The following SNX1 variants were observed in gnomAD, a reference collection of about 807,000 sequenced individuals.
SNX1 encodes the protein sorting nexin-1.
A neutral mutation model predicts 71.8 loss-of-function variants in SNX1; 36 were observed. The observed-to-expected ratio is 0.50, with a 90% confidence interval of 0.38 to 0.66. The LOEUF is 0.66. Among genes scored for constraint, SNX1 ranks in the 30% least tolerant of loss-of-function variants. SNX1 has a pLI of 0.00. For synonymous variants in SNX1, 254 were observed against 240.7 expected (o/e 1.06, Z -0.51); for missense variants, 612 against 646.7 (o/e 0.95, Z 0.58).
At chr15:64,131,554 A>T (rs965146958) in intron 10 of SNX1, 133 bp from the exon 11 acceptor site, 1 of 733,072 alleles carries the variant, frequency 1.4e-6, no homozygotes, top group African/African-American at 1.8e-5. Context: ...GGTGTAAGTG[A>T]CTGGGTTGCA....
At position 64,140,873 on chromosome 15, in the gene SNX1, C is replaced by G. The variant is rs938967385; in HGVS notation, c.*3255C>G. ...GTGCTGGGATTACAGGTGTGAGCCA[C>G]CATACCCAGCCAGAGAATGTTATTT... is the stretch of plus-strand genomic sequence containing the variant. On this transcript the variant is annotated 3_prime_UTR_variant, in exon 15 of 15. Transcript: ENST00000559844. The G allele has an allele frequency of 2.0e-5, 3 of 152,208 alleles. No individual in the cohort carries two copies. Among genetic ancestry groups the G allele is most frequent in the Non-Finnish European group, 4.4e-5 (3 of 68,052 alleles). The allele number at this position is 152,208 out of a possible 1,614,324, so 9.4% of individuals were successfully genotyped here.
At chr15:64,136,490 G>A (rs1236391123) in intron 13 of SNX1, 80 bp downstream of exon 13, 19 of 1,252,482 alleles carry the variant, frequency 1.5e-5, no homozygotes, top group Non-Finnish European at 2.2e-5. Context: ...AACTCTGTTG[G>A]GTAAAGAGAG....
chr15:64,127,848 C>A, intron 8 of SNX1, 42 bp downstream of exon 8: 2 of 1,506,714 alleles, frequency 1.3e-6, no homozygotes, highest in Non-Finnish European at 1.8e-6. Context: ...TTTATATCTG[C>A]CCCTAGTGAA....
chr15:64,130,171 G>T lies in SNX1; in HGVS notation c.922-57G>T, dbSNP rs566936527. 99 of 1,523,860 alleles carry T rather than the reference G, an allele frequency of 6.5e-5. 1 individual carries two copies. In the East Asian group the frequency reaches 1.5e-3, roughly 23 times the overall value. The allele number at this position is 1,523,860 out of a possible 1,614,324, so 94.4% of individuals were successfully genotyped here. On this transcript the variant is annotated intron_variant, in intron 9 of 14. Transcript: ENST00000559844. Reference sequence around the variant, plus strand: ...TTTTGAGAAACAACTGCTAAAGAAAGACTGTACTGCACCCATAAAAGTAAT... The same window carrying T: ...TTTTGAGAAACAACTGCTAAAGAAATACTGTACTGCACCCATAAAAGTAAT...
At chr15:64,137,486 T>G (rs1596010929) in intron 14 of SNX1, 82 bp from the exon 15 acceptor site, 1 of 1,515,350 alleles carries the variant, frequency 6.6e-7, no homozygotes. Flanking sequence ...AGCGCCAGGG[T>G]ACTGTGCTTG....
At chr15:64,100,159 T>C (rs1380904529) in intron 1 of SNX1, among the ~76,000 whole-genome samples, 1 of 152,246 alleles carries the variant, frequency 6.6e-6, no homozygotes, top group Non-Finnish European at 1.5e-5. Flanking sequence ...TCCTGGGCAT[T>C]GATACAACTG....
rs148950838 is a variant in SNX1 at position 64,106,746 on chromosome 15, G to A, written c.160-5827G>A. ...ATGAAATGTTACTGGCTTTGAAGATGGAAGAAGTGGGCCGTGAGGCAAAGA... is the reference window on the plus strand; with the variant it reads ...ATGAAATGTTACTGGCTTTGAAGATAGAAGAAGTGGGCCGTGAGGCAAAGA... On this transcript the variant is annotated intron_variant, in intron 1 of 14. Coordinates refer to ENST00000559844, the MANE Select transcript of SNX1 (RefSeq NM_003099.5). 1.2e-3 allele frequency among the ~76,000 whole-genome samples: 187 copies of A among 152,304 alleles called. 1 individual carries two copies. Among genetic ancestry groups the A allele is most frequent in the Non-Finnish European group, 2.1e-3 (142 of 68,018 alleles).
chr15:64,140,595 A>G lies in SNX1; in HGVS notation c.*2977A>G, dbSNP rs2081402795. 1 of 152,012 alleles carries G rather than the reference A, an allele frequency of 6.6e-6. No homozygotes were observed. The highest frequency in any genetic ancestry group is 1.5e-5 in the Non-Finnish European group (1 of 67,998). 9.4% of individuals were successfully genotyped at this position (152,012 alleles called of 1,614,324 possible). The stretch of plus-strand genomic sequence containing the variant: ...TTTATTTGATTTGATTATTATTACT[A>G]TTTTTGAGACAGAGTCTCGCTCTTG... On this transcript the variant is annotated 3_prime_UTR_variant, in exon 15 of 15. Transcript: ENST00000559844.
chr15:64,118,237 A>G lies in SNX1; in HGVS notation c.392A>G (p.Tyr131Cys), dbSNP rs1361249309. The change falls in exon 3 of 15, where the codon TAT (tyrosine) becomes TGT (cysteine). Residue 131 changes from tyrosine to cysteine, a missense_variant. Physicochemically the swap from Tyr to Cys is radical, Grantham distance 194. Coordinates refer to ENST00000559844, the MANE Select transcript of SNX1 (RefSeq NM_003099.5). ...AATTCTTCGAAGCCCCAGCCAACCT[A>G]TGAGGAGGTGAGGATCTGTGCTCTT... is the stretch of plus-strand genomic sequence containing the variant. ...ATNSSKPQPT[Y>C]EELEEEEQED... is the part of the protein sequence containing the mutation. 1 of 1,612,830 alleles carries G rather than the reference A, an allele frequency of 6.2e-7. No homozygotes were observed. Among genetic ancestry groups the G allele is most frequent in the South Asian group, 1.1e-5 (1 of 90,998 alleles).
chr15:64,112,470 GCTGA>G lies in SNX1; in HGVS notation c.160-99_160-96del, dbSNP rs1276606649. ...TAACGATTTGCTGCTTATTGAACTGGCTGACTGGTGGCAACTGAGGGAGGCATTA... is the reference window on the plus strand; with the variant it reads ...TAACGATTTGCTGCTTATTGAACTGGCTGGTGGCAACTGAGGGAGGCATTA... On this transcript the variant is annotated intron_variant, in intron 1 of 14. Coordinates refer to ENST00000559844, the MANE Select transcript of SNX1 (RefSeq NM_003099.5). The G allele has an allele frequency of 1.1e-5, 7 of 648,940 alleles. No individual in the cohort carries two copies. In the African/African-American group the frequency reaches 1.3e-4, roughly 12 times the overall value. 40.2% of individuals were successfully genotyped at this position (648,940 alleles called of 1,614,324 possible).
In SNX1 at chr15:64,135,695, G is replaced by C. The variant is rs544701687; in HGVS notation, c.1366-635G>C. Among the ~76,000 whole-genome samples the C allele has an allele frequency of 4.0e-5, 6 of 148,560 alleles. No homozygotes were observed. The East Asian group carries it at 1.0e-3, about 25-fold the overall frequency. On this transcript the variant is annotated intron_variant, in intron 12 of 14. Coordinates refer to ENST00000559844, the MANE Select transcript of SNX1 (RefSeq NM_003099.5). ...AATCGCTTGAACCTGGGAGGCGAAG[G>C]TTGCAGTGAGCTGAGATCACGCCAC...
intron 1 of SNX1, among the ~76,000 whole-genome samples, chr15:64,097,626 C>T (rs533276194): frequency 6.6e-6 from 1 of 152,206 alleles, no homozygotes; most frequent in African/African-American, 2.4e-5. Context: ...AAAAAATAAT[C>T]TTTGTAATGT....
intron 1 of SNX1, among the ~76,000 whole-genome samples, chr15:64,110,471 A>C (rs1413727240): frequency 6.6e-6 from 1 of 152,184 alleles, no homozygotes; most frequent in Non-Finnish European, 1.5e-5. Context: ...ATCATGGCTC[A>C]CTGCAACCTC....
At position 64,136,340 on chromosome 15, in the gene SNX1, G is replaced by T; in HGVS notation, c.1376G>T (p.Arg459Leu). Residue 459 changes from arginine (R) to leucine (L), a missense_variant, in exon 13 of 15, where the codon CGG becomes CTG. Physicochemically the swap from Arg to Leu is moderately radical, Grantham distance 102. Coordinates refer to ENST00000559844, the MANE Select transcript of SNX1 (RefSeq NM_003099.5). ...AKDEILEWES[R>L]VTQYERDFER... is the part of the protein sequence containing the mutation. ...CCTCTTTCTTCCCAGTGGGAGTCTCGGGTGACTCAATATGAAAGGGACTTC... is the reference window on the plus strand; with the variant it reads ...CCTCTTTCTTCCCAGTGGGAGTCTCTGGTGACTCAATATGAAAGGGACTTC... 1 of 1,613,064 alleles carries T rather than the reference G, an allele frequency of 6.2e-7. No homozygotes were observed.
chr15:64,139,206 T>C lies in SNX1; in HGVS notation c.*1588T>C, dbSNP rs889188688. The C allele has an allele frequency of 3.3e-5, 5 of 151,798 alleles. No individual in the cohort carries two copies. The South Asian group carries it at 8.3e-4, about 25-fold the overall frequency. The allele number at this position is 151,798 out of a possible 1,614,324, so 9.4% of individuals were successfully genotyped here. ...TGTATCCTGCTTTTATCATTCAACATTGTACATGTTATAAGCATTTTACTA... is the reference window on the plus strand; with the variant it reads ...TGTATCCTGCTTTTATCATTCAACACTGTACATGTTATAAGCATTTTACTA... On this transcript the variant is annotated 3_prime_UTR_variant, in exon 15 of 15. Coordinates refer to ENST00000559844, the MANE Select transcript of SNX1 (RefSeq NM_003099.5).
At chr15:64,125,938 C>T (rs1567327999) in intron 5 of SNX1, 141 bp from the exon 6 acceptor site, 2 of 857,336 alleles carry the variant, frequency 2.3e-6, no homozygotes, top group Non-Finnish European at 3.8e-6. Context: ...TTAAGACTCT[C>T]TGCCTTGGAG....
chr15:64,112,321 C>T (rs147678953), intron 1 of SNX1, among the ~76,000 whole-genome samples: 1 of 152,222 alleles, frequency 6.6e-6, no homozygotes, highest in African/African-American at 2.4e-5. Context: ...GTACACATAC[C>T]CATGTTGGTA....
At chr15:64,128,132 G>A (rs2081272287) in intron 8 of SNX1, among the ~76,000 whole-genome samples, 1 of 152,188 alleles carries the variant, frequency 6.6e-6, no homozygotes, top group African/African-American at 2.4e-5. Flanking sequence ...TGCCAGGCGG[G>A]TCACTGGTTA....
At chr15:64,119,371 C>T (rs1315185976) in intron 4 of SNX1, among the ~76,000 whole-genome samples, 1 of 152,080 alleles carries the variant, frequency 6.6e-6, no homozygotes, top group Admixed American at 6.5e-5. Flanking sequence ...ATCCTCCTGC[C>T]TTAGCCTCTT....
Sources: allele counts gnomAD v4.1 joint callset (sites outside exome capture counted in the v4.1 genomes callset), GRCh38; gene constraint gnomAD v4.1.1; transcripts MANE v1.5; gene names NCBI Gene and HGNC (gene_info 2026-07-23, HGNC 2026-07-21).